Variants in NKAIN2 observed in about 807,000 individuals in gnomAD.
NKAIN2 encodes sodium/potassium-transporting ATPase subunit beta-1-interacting protein 2.
NKAIN2 carries 14 observed loss-of-function variants against 32.6 expected under a neutral mutation model. The observed-to-expected ratio is 0.43, with a 90% confidence interval of 0.28 to 0.67. The LOEUF (loss-of-function observed/expected upper bound fraction) is 0.67. Ranked by LOEUF, NKAIN2 falls within the 30% of genes least tolerant of loss-of-function variation. NKAIN2 has a pLI of 0.17. For missense variants in NKAIN2, 198 were observed against 258.3 expected, an observed-to-expected ratio of 0.77 and a Z score of 1.60; for synonymous variants, 80 against 87.2, an observed-to-expected ratio of 0.92 and a Z score of 0.46.
intron 2 of NKAIN2, among the ~76,000 whole-genome samples, chr6:124,296,139 A>G (rs1025358883): frequency 6.6e-6 from 1 of 151,984 alleles, no homozygotes; most frequent in Non-Finnish European, 1.5e-5. Flanking sequence ...TTGGATGCAA[A>G]TTTCTTCATG....
intron 4 of NKAIN2, among the ~76,000 whole-genome samples, chr6:124,663,085 G>T (rs2114445043): frequency 6.6e-6 from 1 of 152,262 alleles, no homozygotes; most frequent in East Asian, 1.9e-4. Context: ...GGAAAAATTA[G>T]TTTGATTTGA....
At chr6:124,564,844 C>T (rs140310644) in intron 3 of NKAIN2, among the ~76,000 whole-genome samples, 5 of 152,210 alleles carry the variant, frequency 3.3e-5, no homozygotes, top group Non-Finnish European at 5.9e-5. Context: ...AGGCAAGACC[C>T]GAATCATCTT....
chr6:124,454,487 G>T (rs967817050), intron 3 of NKAIN2, among the ~76,000 whole-genome samples: 3 of 151,966 alleles, frequency 2.0e-5, no homozygotes, highest in Admixed American at 1.3e-4. Flanking sequence ...AGTGATAATT[G>T]TTATTGCTTG....
intron 3 of NKAIN2, among the ~76,000 whole-genome samples, chr6:124,421,860 G>A (rs565475769): frequency 1.5e-4 from 23 of 152,236 alleles, no homozygotes; most frequent in African/African-American, 4.3e-4. Context: ...ACGTATGTCC[G>A]GCGTGATTTT....
rs1028658926 is a variant in NKAIN2, at chr6:124,583,276, G to A, written c.274-74910G>A. On this transcript the variant is annotated intron_variant, in intron 3 of 6. Transcript: ENST00000368417. ...ATTGATAAACACATTCAGTAATGTG[G>A]CAGGATACAAAATCAACATATAAAA... 4.0e-5 allele frequency among the ~76,000 whole-genome samples: 6 copies of A among 149,462 alleles called. No individual in the cohort carries two copies. The South Asian group carries it at 6.3e-4, about 16-fold the overall frequency.
At chr6:124,652,206 T>C (rs1784392079) in intron 3 of NKAIN2, among the ~76,000 whole-genome samples, 1 of 152,208 alleles carries the variant, frequency 6.6e-6, no homozygotes, top group Admixed American at 6.5e-5. Context: ...CCACTTTATA[T>C]CAAGGATGGC....
At chr6:124,112,814 G>A (rs753182970) in intron 1 of NKAIN2, among the ~76,000 whole-genome samples, 18 of 149,800 alleles carry the variant, frequency 1.2e-4, no homozygotes, top group Non-Finnish European at 2.5e-4. Context: ...ATTCCAGTTC[G>A]CTGATACTTT....
chr6:124,380,451 C>A (rs187503177), intron 3 of NKAIN2, among the ~76,000 whole-genome samples: 1 of 152,158 alleles, frequency 6.6e-6, no homozygotes, highest in Non-Finnish European at 1.5e-5. Flanking sequence ...TGTGTCATTT[C>A]TGGGAAATTG....
chr6:124,243,560 C>T (rs1009737424), intron 1 of NKAIN2, among the ~76,000 whole-genome samples: 4 of 151,766 alleles, frequency 2.6e-5, no homozygotes, highest in Non-Finnish European at 5.9e-5. Context: ...AGGAATTTGG[C>T]AGCCAATGTA....
intron 1 of NKAIN2, among the ~76,000 whole-genome samples, chr6:124,282,017 C>A (rs564961028): frequency 3.3e-5 from 5 of 152,104 alleles, no homozygotes; most frequent in Admixed American, 1.3e-4. Context: ...TATCATCCCC[C>A]CTGAGGGCAG....
intron 1 of NKAIN2, among the ~76,000 whole-genome samples, chr6:124,253,603 A>G (rs557058864): frequency 6.6e-6 from 1 of 152,266 alleles, no homozygotes; most frequent in South Asian, 2.1e-4. Flanking sequence ...TAAGTGTTCA[A>G]TTACTACTAT....
chr6:124,633,598 C>T (rs1188368502), intron 3 of NKAIN2, among the ~76,000 whole-genome samples: 3 of 152,094 alleles, frequency 2.0e-5, no homozygotes, highest in Admixed American at 1.3e-4. Context: ...TATTCTCTTC[C>T]AGAGAATATA....
chr6:123,842,486 A>G (rs1322266958), intron 1 of NKAIN2, among the ~76,000 whole-genome samples: 3 of 152,152 alleles, frequency 2.0e-5, no homozygotes, highest in African/African-American at 4.8e-5. Context: ...GAGGCCCTAT[A>G]TACAAATATA....
intron 3 of NKAIN2, among the ~76,000 whole-genome samples, chr6:124,655,237 C>T (rs765207605): frequency 6.6e-6 from 1 of 151,986 alleles, no homozygotes; most frequent in Non-Finnish European, 1.5e-5. Context: ...TAGCTGTGTT[C>T]CCATTGTGTC....
At chr6:124,216,054 G>T (rs972025939) in intron 1 of NKAIN2, among the ~76,000 whole-genome samples, 12 of 149,892 alleles carry the variant, frequency 8.0e-5, no homozygotes, top group African/African-American at 3.0e-4. Flanking sequence ...GGAGGCAGAG[G>T]TTGCAGTGAG....
intron 3 of NKAIN2, among the ~76,000 whole-genome samples, chr6:124,564,377 A>G (rs1245076458): frequency 1.3e-5 from 2 of 152,192 alleles, no homozygotes; most frequent in Non-Finnish European, 2.9e-5. Context: ...TCAGCACTCT[A>G]TAAAATGGAC....
At chr6:123,853,681 A>C (rs903967985) in intron 1 of NKAIN2, among the ~76,000 whole-genome samples, 2 of 152,178 alleles carry the variant, frequency 1.3e-5, no homozygotes, top group African/African-American at 4.8e-5. Flanking sequence ...GGGGGATGAT[A>C]TAGAAAAATC....
At chr6:124,803,690 C>T (rs1043484731) in intron 5 of NKAIN2, among the ~76,000 whole-genome samples, 15 of 152,122 alleles carry the variant, frequency 9.9e-5, no homozygotes, top group Non-Finnish European at 1.8e-4. Context: ...CTTCAGCTTC[C>T]GTGGATGTCT....
chr6:124,607,917 A>G (rs549247723), intron 3 of NKAIN2, among the ~76,000 whole-genome samples: 11 of 152,210 alleles, frequency 7.2e-5, no homozygotes, highest in Non-Finnish European at 1.5e-4. Context: ...ATTTTGCCCA[A>G]CTGTAGGTGA....
Sources: allele counts gnomAD v4.1 joint callset (sites outside exome capture counted in the v4.1 genomes callset), GRCh38; gene constraint gnomAD v4.1.1; transcripts MANE v1.5; gene names NCBI Gene and HGNC (gene_info 2026-07-23, HGNC 2026-07-21).